The following SEZ6L2 variants were observed in gnomAD, a reference collection of about 807,000 sequenced individuals.
SEZ6L2 encodes seizure related 6 homolog like 2.
SEZ6L2 carries 44 observed loss-of-function variants against 97.0 expected under a neutral mutation model. That is an observed-to-expected ratio of 0.45 (90% CI 0.36 to 0.58). The LOEUF (loss-of-function observed/expected upper bound fraction) is 0.58. Ranked by LOEUF, SEZ6L2 falls within the 20% of genes least tolerant of loss-of-function variation. The pLI is 0.00. For missense variants in SEZ6L2, 1,086 were observed against 1,233.3 expected, an observed-to-expected ratio of 0.88 and a Z score of 1.79; for synonymous variants, 543 against 546.1, an observed-to-expected ratio of 0.99 and a Z score of 0.08.
rs2067783171 is a variant in SEZ6L2 at position 29,871,645 on chromosome 16, G to A, written c.*54C>T. 5.7e-6 allele frequency: 9 copies of A among 1,569,378 alleles called. No homozygotes were observed. Among genetic ancestry groups the A allele is most frequent in the South Asian group, 1.2e-5 (1 of 86,834 alleles). On this transcript the variant is annotated 3_prime_UTR_variant, in exon 18 of 18. Transcript: ENST00000617533. ...GAGACCGGGTCCCGTATTTCCCTCT[G>A]CCCGAATGAGGAGGGGAGGGGCGTC...
chr16:29,896,993 C>T lies in SEZ6L2; in HGVS notation c.340G>A (p.Gly114Arg), dbSNP rs1385077613. 2 of 1,588,942 alleles carry T rather than the reference C, an allele frequency of 1.3e-6. No homozygotes were observed. Among genetic ancestry groups the T allele is most frequent in the South Asian group, 2.3e-5 (2 of 88,696 alleles). ...AGTTCTGGCGCAGTGGGGCCTGCCC[C>T]CCTGACCCCGTTAGGGGTGACGGCT... ...TTAVTPNGVR[G>R]AGPTAPELLT... Residue 114 changes from glycine (G) to arginine (R), a missense_variant, in exon 3 of 18, where the codon GGG becomes AGG. By Grantham distance (125) the Gly-to-Arg change is moderately radical. This residue lies in a region of SEZ6L2 where 776 missense variants were observed against 794.7 expected (regional missense o/e 0.98). Coordinates refer to ENST00000617533, the MANE Select transcript of SEZ6L2 (RefSeq NM_001243332.2).
In SEZ6L2 at chr16:29,878,269, T is replaced by C. The variant is rs1357025233; in HGVS notation, c.1712+18A>G. ...CTGAGCCTACACCCGTCGCACCCTC[T>C]GCAGGACCCAAACATACATCTCAAC... On this transcript the variant is annotated intron_variant, in intron 10 of 17. Transcript: ENST00000617533. 1.3e-6 allele frequency: 2 copies of C among 1,585,656 alleles called. No individual in the cohort carries two copies. The highest frequency in any genetic ancestry group is 8.6e-7 in the Non-Finnish European group (1 of 1,163,064).
Position 29,887,797 on chromosome 16 carries a change from G to A in SEZ6L2, c.1060C>T (p.His354Tyr), listed in dbSNP as rs376132798. The A allele has an allele frequency of 2.0e-5, 33 of 1,613,846 alleles. No individual in the cohort carries two copies. The highest frequency in any genetic ancestry group is 2.8e-5 in the Non-Finnish European group (33 of 1,179,942). ...SCMASCGGTI[H>Y]NATLGRIVSP... ...ACGATGCGGCCCAGGGTGGCATTGT[G>A]GATGGTGCCACCACAGGATGCTGTG... is the stretch of plus-strand genomic sequence containing the variant. Residue 354 changes from histidine (H) to tyrosine (Y), a missense_variant, in exon 7 of 18, where the codon CAC (histidine) becomes TAC (tyrosine). Coordinates refer to ENST00000617533, the MANE Select transcript of SEZ6L2 (RefSeq NM_001243332.2).
At chr16:29,877,522 C>T in intron 10 of SEZ6L2, 55 bp from the exon 11 acceptor site, 1 of 1,469,894 alleles carries the variant, frequency 6.8e-7, no homozygotes, top group Non-Finnish European at 9.2e-7. Context: ...CCCTCCCATC[C>T]AGCTCTGCCC....
Position 29,877,335 on chromosome 16 carries a change from C to T in SEZ6L2, c.1845G>A (p.Gln615=). Residue 615 remains glutamine, a synonymous_variant, in exon 11 of 18, where the codon CAG becomes CAA. Transcript: ENST00000617533. ...TTGGGGGCCCGGGCGGTGCCTGAAA[C>T]TGCAGTGTGAGGTCGGGCCCAGAGG... ...LLSSGPDLTL[Q]FQAPPGPPNP... 6.2e-7 allele frequency: 1 copy of T among 1,613,092 alleles called. No homozygotes were observed. The highest frequency in any genetic ancestry group is 1.1e-5 in the South Asian group (1 of 90,962).
intron 10 of SEZ6L2, 67 bp from the exon 11 acceptor site, chr16:29,877,534 A>G: frequency 1.4e-6 from 2 of 1,405,952 alleles, no homozygotes; most frequent in East Asian, 2.4e-5. Flanking sequence ...GCTCTGCCCC[A>G]TCCTCAACTC....
At chr16:29,877,185 C>A in intron 11 of SEZ6L2, 86 bp downstream of exon 11, 1 of 1,390,054 alleles carries the variant, frequency 7.2e-7, no homozygotes, top group Non-Finnish European at 9.6e-7. Flanking sequence ...CCCGGGATAA[C>A]AGGCGTGAGC....
intron 1 of SEZ6L2, 26 bp downstream of exon 1, chr16:29,898,915 C>T: frequency 6.3e-7 from 1 of 1,591,912 alleles, no homozygotes; most frequent in Non-Finnish European, 8.6e-7. Flanking sequence ...TTCCTGGGGC[C>T]CACCCCCACA....
intron 11 of SEZ6L2, 66 bp downstream of exon 11, chr16:29,877,205 C>G: frequency 2.1e-6 from 3 of 1,450,770 alleles, no homozygotes; most frequent in Non-Finnish European, 2.8e-6. Context: ...CCACCACGAC[C>G]GGCCACCTCC....
chr16:29,888,262 G>A (rs1041979343), intron 6 of SEZ6L2, among the ~76,000 whole-genome samples: 1 of 152,012 alleles, frequency 6.6e-6, no homozygotes, highest in African/African-American at 2.4e-5. Context: ...GGATGAGGAC[G>A]CTACCCCAGA....
chr16:29,888,869 TAAG>T (rs1422846330), intron 5 of SEZ6L2, 144 bp from the exon 6 acceptor site: 14 of 674,558 alleles, frequency 2.1e-5, no homozygotes, highest in African/African-American at 1.7e-4. Flanking sequence ...TACCGAGAAA[TAAG>T]AGCTCCTCAC....
At chr16:29,877,880 C>A (rs949475799) in intron 10 of SEZ6L2, among the ~76,000 whole-genome samples, 2 of 152,228 alleles carry the variant, frequency 1.3e-5, no homozygotes, top group African/African-American at 4.8e-5. Context: ...AGCTTCTGTG[C>A]CATCTCATGA....
intron 7 of SEZ6L2, among the ~76,000 whole-genome samples, chr16:29,887,386 T>C (rs1276225892): frequency 1.0e-4 from 15 of 148,232 alleles, no homozygotes; most frequent in African/African-American, 3.7e-4. Context: ...CTGCAAGCTC[T>C]GCCTCCCGGG....
chr16:29,874,552 T>TGTG (rs1291446246), intron 12 of SEZ6L2, among the ~76,000 whole-genome samples: 4 of 59,988 alleles, frequency 6.7e-5, no homozygotes, highest in African/African-American at 4.7e-4. Flanking sequence ...GTGTGCTTGT[T>TGTG]TTTTTTTTTT....
chr16:29,879,800 C>T, intron 9 of SEZ6L2, 64 bp downstream of exon 9: 1 of 1,443,160 alleles, frequency 6.9e-7, no homozygotes, highest in Middle Eastern at 2.3e-4. Context: ...AACGGCCTTG[C>T]TGGGATCCCC....
At position 29,898,994 on chromosome 16, in the gene SEZ6L2, G is replaced by C. The variant is rs541769444; in HGVS notation, c.26C>G (p.Pro9Arg). MGTPRAQH[P>R]PPPQLLFLIL... ...TAGGAACAGCAGCTGGGGAGGCGGC[G>C]GGTGCTGGGCCCTGGGAGTCCCCAT... Residue 9 changes from proline (P) to arginine (R), a missense_variant, in exon 1 of 18, where the codon CCG (proline) becomes CGG (arginine). Physicochemically the swap from Pro to Arg is moderately radical, Grantham distance 103. Coordinates refer to ENST00000617533, the MANE Select transcript of SEZ6L2 (RefSeq NM_001243332.2). The C allele has an allele frequency of 4.3e-6, 7 of 1,611,412 alleles. No homozygotes were observed. The highest frequency in any genetic ancestry group is 2.2e-5 in the East Asian group (1 of 44,802).
In SEZ6L2 at chr16:29,873,669, C is replaced by G. The variant is rs1011653612; in HGVS notation, c.2165G>C (p.Gly722Ala). ...CTGGACGTGGGAGCCAACGGGGAAG[C>G]CGGCGTCCGAGGCGGTGCGGTGCCC... is the stretch of plus-strand genomic sequence containing the variant. ...ANGHRTASDA[G>A]FPVGSHVQYR... The change falls in exon 13 of 18, where the codon GGC becomes GCC. Residue 722 changes from glycine to alanine, a missense_variant. Transcript: ENST00000617533. This position sits in a 1 kb window ranked among gnomAD's most constrained non-coding sequence, Gnocchi z 4.3. 6.2e-7 allele frequency: 1 copy of G among 1,613,020 alleles called. No homozygotes were observed.
chr16:29,878,094 G>A (rs1567413593), intron 10 of SEZ6L2, among the ~76,000 whole-genome samples, 193 bp downstream of exon 10: 1 of 152,200 alleles, frequency 6.6e-6, no homozygotes, highest in Non-Finnish European at 1.5e-5. Context: ...ATTTGTCCGA[G>A]GTTGCCTGGC....
intron 5 of SEZ6L2, among the ~76,000 whole-genome samples, chr16:29,889,854 C>A (rs1469019989): frequency 6.6e-6 from 1 of 151,636 alleles, no homozygotes; most frequent in Non-Finnish European, 1.5e-5. Flanking sequence ...TCTTGAACTC[C>A]TGGCCTCAAG....
Sources: gnomAD v4.1 joint callset for allele counts (sites outside exome capture counted in the v4.1 genomes callset) on GRCh38, gnomAD v4.1.1 for gene constraint, gnomAD v4.1.1 regional missense constraint, Gnocchi (gnomAD v3.1) non-coding constraint, MANE v1.5 for transcripts, NCBI Gene and HGNC (gene_info 2026-07-23, HGNC 2026-07-21) for gene names.